The following SIK2 variants were observed in gnomAD, a reference collection of about 807,000 sequenced individuals.
SIK2 encodes the protein salt inducible kinase 2.
A neutral mutation model predicts 103.2 loss-of-function variants in SIK2; 29 were observed. The ratio of observed to expected loss-of-function variants is 0.28; its 90% CI spans 0.21 to 0.38. The LOEUF is 0.38. Among genes scored for constraint, SIK2 ranks in the 10% least tolerant of loss-of-function variants. The pLI, the probability that SIK2 is intolerant of heterozygous loss-of-function variation, is 1.00. For missense variants in SIK2, 879 were observed against 1,171.0 expected, an observed-to-expected ratio of 0.75 and a Z score of 3.64; for synonymous variants, 412 against 446.1, an observed-to-expected ratio of 0.92 and a Z score of 0.96.
rs557467413 is a variant in SIK2 at position 111,644,430 on chromosome 11, A to G, written c.316+24028A>G. 1.1e-3 allele frequency among the ~76,000 whole-genome samples: 171 copies of G among 152,270 alleles called. 1 individual carries two copies. The highest frequency in any genetic ancestry group is 4.0e-3 in the African/African-American group (165 of 41,570). Reference sequence around the variant, plus strand: ...TTTTTCAAATGTAAAATTTGAAAAAATTGTGGCCGTAAAATACAGCCACAG... The same window carrying G: ...TTTTTCAAATGTAAAATTTGAAAAAGTTGTGGCCGTAAAATACAGCCACAG... On this transcript the variant is annotated intron_variant, in intron 3 of 14. Coordinates refer to ENST00000304987, the MANE Select transcript of SIK2 (RefSeq NM_015191.3).
At chr11:111,636,746 G>A (rs1372855502) in intron 3 of SIK2, among the ~76,000 whole-genome samples, 1 of 152,176 alleles carries the variant, frequency 6.6e-6, no homozygotes, top group African/African-American at 2.4e-5. Context: ...ATACAGAGTA[G>A]TTTGTCTGGG....
chr11:111,638,892 GT>G (rs1381789256), intron 3 of SIK2, among the ~76,000 whole-genome samples: 6 of 151,812 alleles, frequency 4.0e-5, no homozygotes, highest in Non-Finnish European at 7.4e-5. Flanking sequence ...GTTTTGTTTT[GT>G]TTTGGATGCT....
At chr11:111,627,127 A>G (rs1442065107) in intron 3 of SIK2, among the ~76,000 whole-genome samples, 1 of 152,162 alleles carries the variant, frequency 6.6e-6, no homozygotes, top group African/African-American at 2.4e-5. Context: ...AAAGCATAGT[A>G]AACTGTAGAT....
rs117498296 is a variant in SIK2 at position 111,644,593 on chromosome 11, T to C, written c.316+24191T>C. ...ACCTGTTAGTTTATTTCTCATCTTA[T>C]ATTCTAAACATACAGTATGTCTCAT... On this transcript the variant is annotated intron_variant, in intron 3 of 14. Coordinates refer to ENST00000304987, the MANE Select transcript of SIK2 (RefSeq NM_015191.3). 6.6e-3 allele frequency among the ~76,000 whole-genome samples: 1,000 copies of C among 152,250 alleles called. 8 individuals carry two copies. Among genetic ancestry groups the C allele is most frequent in the Middle Eastern group, 0.054 (16 of 294 alleles).
intron 9 of SIK2, among the ~76,000 whole-genome samples, chr11:111,712,734 TTAAC>T (rs1943536678): frequency 6.6e-6 from 1 of 152,242 alleles, no homozygotes; most frequent in Non-Finnish European, 1.5e-5. Flanking sequence ...AACAAAAAAA[TTAAC>T]TTTCATGCCA....
chr11:111,674,362 A>G (rs1439857633), intron 3 of SIK2, among the ~76,000 whole-genome samples: 1 of 152,176 alleles, frequency 6.6e-6, no homozygotes, highest in Non-Finnish European at 1.5e-5. Context: ...CCCAGTATTG[A>G]ACTTGGAGAT....
chr11:111,629,669 T>C (rs937288212), intron 3 of SIK2, among the ~76,000 whole-genome samples: 1 of 152,090 alleles, frequency 6.6e-6, no homozygotes, highest in Non-Finnish European at 1.5e-5. Context: ...GACAAAAGAC[T>C]GGAACCAGAC....
chr11:111,711,304 G>A (rs1028047038), intron 8 of SIK2, among the ~76,000 whole-genome samples: 6 of 151,982 alleles, frequency 3.9e-5, no homozygotes, highest in African/African-American at 1.5e-4. Context: ...TGTATTTTTA[G>A]TAGAGACGGG....
chr11:111,604,649 G>T (rs1941624790), intron 1 of SIK2, among the ~76,000 whole-genome samples: 1 of 152,162 alleles, frequency 6.6e-6, no homozygotes, highest in Admixed American at 6.5e-5. Flanking sequence ...ATTTGTAATT[G>T]GAACAAGCAC....
Position 111,720,513 on chromosome 11 carries a change from G to C in SIK2, c.1531G>C (p.Asp511His). ...IFSMNDSPSL[D>H]SVDSEYDMGS... ...CTCCATGAATGACAGCCCCTCCCTT[G>C]ACAGTGTGGACTCTGAGTATGATAT... Residue 511 changes from aspartate (D) to histidine (H), a missense_variant, in exon 11 of 15, where the codon GAC becomes CAC. Transcript: ENST00000304987. The C allele has an allele frequency of 6.2e-7, 1 of 1,611,222 alleles. No individual in the cohort carries two copies. Among genetic ancestry groups the C allele is most frequent in the Middle Eastern group, 1.7e-4 (1 of 6,044 alleles).
chr11:111,608,953 C>T (rs1016731714), intron 1 of SIK2, among the ~76,000 whole-genome samples: 4 of 152,142 alleles, frequency 2.6e-5, no homozygotes, highest in Non-Finnish European at 5.9e-5. Flanking sequence ...TTTTCTAAAT[C>T]TCTGCCAACT....
intron 3 of SIK2, among the ~76,000 whole-genome samples, chr11:111,660,511 G>A (rs973542213): frequency 1.3e-5 from 2 of 152,114 alleles, no homozygotes; most frequent in African/African-American, 4.8e-5. Context: ...CTATGAGTGA[G>A]GACTCCCCAA....
intron 8 of SIK2, among the ~76,000 whole-genome samples, chr11:111,706,689 T>C (rs1038473392): frequency 9.2e-5 from 14 of 152,110 alleles, no homozygotes; most frequent in Admixed American, 3.3e-4. Context: ...TGGCTGGGCG[T>C]GGTGGCTCAC....
chr11:111,660,462 G>A (rs1019890285), intron 3 of SIK2, among the ~76,000 whole-genome samples: 4 of 152,162 alleles, frequency 2.6e-5, no homozygotes, highest in Non-Finnish European at 4.4e-5. Flanking sequence ...CATACTTAGT[G>A]TTTATACTAT....
chr11:111,692,405 G>GGA (rs1208699332), intron 4 of SIK2, among the ~76,000 whole-genome samples: 4 of 138,544 alleles, frequency 2.9e-5, no homozygotes, highest in African/African-American at 8.1e-5. Flanking sequence ...AAGGAGAGAG[G>GGA]GAGAGAGAGA....
At chr11:111,618,602 G>A (rs542599989) in intron 2 of SIK2, among the ~76,000 whole-genome samples, 2 of 152,114 alleles carry the variant, frequency 1.3e-5, no homozygotes, top group Non-Finnish European at 2.9e-5. Flanking sequence ...GTTCCAGGCT[G>A]TAGTACACCT....
intron 4 of SIK2, among the ~76,000 whole-genome samples, chr11:111,690,611 C>G (rs1942922951): frequency 6.6e-6 from 1 of 151,250 alleles, no homozygotes; most frequent in Non-Finnish European, 1.5e-5. Flanking sequence ...CCCTCCCCGC[C>G]TCCCCTCACC....
chr11:111,616,114 AAT>A, intron 1 of SIK2, 127 bp from the exon 2 acceptor site: 1 of 613,024 alleles, frequency 1.6e-6, no homozygotes, highest in Middle Eastern at 4.3e-4. Context: ...ATGAACATTG[AAT>A]TTAAACTGCT....
In SIK2 at chr11:111,602,612, G is replaced by A; in HGVS notation, c.49G>A (p.Val17Met). ...PRHLQRGPVRVGFYDIEGTLG... is the reference protein window; with the variant it reads ...PRHLQRGPVRMGFYDIEGTLG... ...GCACTTGCAGCGCGGGCCGGTCCGG[G>A]TGGGGTTCTACGACATCGAGGGCAC... Residue 17 changes from valine to methionine, a missense_variant, in exon 1 of 15, where the codon GTG becomes ATG. Val to Met is a conservative substitution (Grantham distance 21). This residue lies in a region of SIK2 where 47 missense variants were observed against 43.9 expected (regional missense o/e 1.07). Transcript: ENST00000304987. The surrounding 1 kb of genome is among the most constrained non-coding windows in gnomAD (Gnocchi z 4.5). The A allele has an allele frequency of 6.5e-7, 1 of 1,536,098 alleles. No individual in the cohort carries two copies. The highest frequency in any genetic ancestry group is 2.7e-5 in the East Asian group (1 of 37,674).
Sources: allele counts gnomAD v4.1 joint callset (sites outside exome capture counted in the v4.1 genomes callset), GRCh38; gene constraint gnomAD v4.1.1; regional missense constraint gnomAD v4.1.1; non-coding constraint Gnocchi (gnomAD v3.1); transcripts MANE v1.5; gene names NCBI Gene and HGNC (gene_info 2026-07-23, HGNC 2026-07-21).